RASEF: variants seen among roughly 807,000 people sequenced by gnomAD.
The protein encoded by RASEF is RAS and EF-hand domain containing.
In RASEF, 68 loss-of-function variants were observed where a neutral mutation model predicts 90.1. The observed-to-expected ratio is 0.75, with a 90% confidence interval of 0.62 to 0.92. RASEF has a LOEUF of 0.92. RASEF is among the 40% of genes least tolerant of loss of function. RASEF has a pLI of 0.00. For synonymous variants in RASEF, 331 were observed against 345.2 expected, an observed-to-expected ratio of 0.96 and a Z score of 0.46; for missense variants, 949 against 937.2, an observed-to-expected ratio of 1.01 and a Z score of -0.16.
At chr9:82,991,121 A>C (rs1008171) in intron 15 of RASEF, among the ~76,000 whole-genome samples, 95,465 of 151,756 alleles carry the variant, frequency 0.63, 31,203 homozygotes, top group African/African-American at 0.82. Context: ...CTCATCCCCC[A>C]CTCACTCACA....
the RASEF span, among the ~76,000 whole-genome samples, chr9:83,191,496 G>A: frequency 6.6e-6 from 1 of 152,162 alleles, no homozygotes; most frequent in Admixed American, 6.5e-5. Flanking sequence ...GATGGATTCT[G>A]TCATTTCATC....
the RASEF span, among the ~76,000 whole-genome samples, chr9:83,101,782 A>G: frequency 6.6e-6 from 1 of 152,322 alleles, no homozygotes; most frequent in South Asian, 2.1e-4. Context: ...ATCTCTGGTC[A>G]CAACACTTTC....
chr9:83,149,393 G>A, the RASEF span, among the ~76,000 whole-genome samples: 1 of 152,198 alleles, frequency 6.6e-6, no homozygotes, highest in African/African-American at 2.4e-5. Context: ...AGCTGGAGAA[G>A]GCTTTCCCCA....
chr9:83,209,241 C>T, the RASEF span, among the ~76,000 whole-genome samples: 1 of 152,218 alleles, frequency 6.6e-6, no homozygotes, highest in Admixed American at 6.5e-5. Flanking sequence ...TCTTGGGAAG[C>T]CATCAACACT....
chr9:83,178,104 G>A, the RASEF span, among the ~76,000 whole-genome samples: 918 of 152,046 alleles, frequency 6.0e-3, 12 homozygotes, highest in African/African-American at 0.021. Flanking sequence ...CATTCTCACC[G>A]GCAATTATTT....
intron 1 of RASEF, chr9:83,048,194 A>G: frequency 1.0e-6 from 1 of 985,366 alleles, no homozygotes; most frequent in Non-Finnish European, 1.2e-6. Context: ...GAGCGGAAGG[A>G]GCTTGGAGGT....
the RASEF span, among the ~76,000 whole-genome samples, chr9:83,203,791 C>T: frequency 6.6e-6 from 1 of 151,982 alleles, no homozygotes; most frequent in Non-Finnish European, 1.5e-5. Context: ...TGCAAAGGCC[C>T]TGGGGTGAGA....
At chr9:83,067,625 G>C (rs559670928), upstream of RASEF, among the ~76,000 whole-genome samples, 1 of 152,066 alleles carries the variant, frequency 6.6e-6, no homozygotes, top group Non-Finnish European at 1.5e-5. Context: ...TCAGACTTTG[G>C]AAAATCTTTC....
the RASEF span, among the ~76,000 whole-genome samples, chr9:83,204,513 A>G: frequency 6.6e-6 from 1 of 152,212 alleles, no homozygotes; most frequent in African/African-American, 2.4e-5. Flanking sequence ...GGGACAAAAA[A>G]GGTTCCCAGG....
chr9:83,066,349 T>C (rs116052798), upstream of RASEF, among the ~76,000 whole-genome samples: 1,165 of 152,320 alleles, frequency 7.6e-3, 16 homozygotes, highest in African/African-American at 0.026. Flanking sequence ...CTGCCACTCA[T>C]AAATACATCA....
At chr9:83,154,837 T>A in the RASEF span, among the ~76,000 whole-genome samples, 9 of 152,200 alleles carry the variant, frequency 5.9e-5, no homozygotes, top group African/African-American at 1.9e-4. Context: ...TAACTAACAC[T>A]TTACTGTGGG....
At chr9:83,060,674 A>G (rs1830187245) in intron 1 of RASEF, among the ~76,000 whole-genome samples, 1 of 152,236 alleles carries the variant, frequency 6.6e-6, no homozygotes. Flanking sequence ...GTGAAGTAGA[A>G]TTAATCCAAT....
chr9:83,067,433 G>A (rs1587535368), upstream of RASEF, among the ~76,000 whole-genome samples: 1 of 152,172 alleles, frequency 6.6e-6, no homozygotes, highest in African/African-American at 2.4e-5. Flanking sequence ...ATGAAAAAGA[G>A]AAAATAATAA....
At chr9:83,087,826 C>CT in the RASEF span, among the ~76,000 whole-genome samples, 3 of 151,952 alleles carry the variant, frequency 2.0e-5, no homozygotes, top group Admixed American at 2.0e-4. Flanking sequence ...GTTTGCTCTT[C>CT]TTTTTCTATA....
At chr9:83,192,490 G>A in the RASEF span, among the ~76,000 whole-genome samples, 1 of 152,156 alleles carries the variant, frequency 6.6e-6, no homozygotes, top group Admixed American at 6.6e-5. Context: ...TCACTTACAA[G>A]TGGAAGCTAA....
Position 83,018,270 on chromosome 9 carries a change from G to A in RASEF, c.670-2370C>T, listed in dbSNP as rs1829380008. 2.0e-5 allele frequency among the ~76,000 whole-genome samples: 3 copies of A among 152,078 alleles called. No individual in the cohort carries two copies. In the South Asian group the frequency reaches 6.2e-4, roughly 32 times the overall value. ...AAGGCACTGCATATAAACAATGTAA[G>A]CAATGCTACAGAATACGAGACCAAT... On this transcript the variant is annotated intron_variant, in intron 3 of 16. Transcript: ENST00000376447.
At chr9:83,115,042 C>A in the RASEF span, among the ~76,000 whole-genome samples, 1 of 152,108 alleles carries the variant, frequency 6.6e-6, no homozygotes, top group Non-Finnish European at 1.5e-5. Flanking sequence ...TGTGATGTCT[C>A]CCCCAGACAC....
At chr9:83,006,463 T>C (rs1226624302) in intron 7 of RASEF, among the ~76,000 whole-genome samples, 1 of 151,510 alleles carries the variant, frequency 6.6e-6, no homozygotes, top group Non-Finnish European at 1.5e-5. Flanking sequence ...ATACATGAAC[T>C]CTACAACTGC....
chr9:83,141,496 A>T, the RASEF span, among the ~76,000 whole-genome samples: 52,694 of 152,090 alleles, frequency 0.35, 9,986 homozygotes, highest in East Asian at 0.52. Context: ...TGAGGTCTGC[A>T]AAGCCCCTTC....
Sources: gnomAD v4.1 joint callset for allele counts (sites outside exome capture counted in the v4.1 genomes callset) on GRCh38, gnomAD v4.1.1 for gene constraint, MANE v1.5 for transcripts, NCBI Gene and HGNC (gene_info 2026-07-23, HGNC 2026-07-21) for gene names.